THSD7B: variants seen among roughly 807,000 people sequenced by gnomAD.
THSD7B encodes the protein thrombospondin type 1 domain containing 7B.
THSD7B carries 138 observed loss-of-function variants against 213.6 expected under a neutral mutation model. That is an observed-to-expected ratio of 0.65 (90% CI 0.56 to 0.74). The LOEUF (loss-of-function observed/expected upper bound fraction) is 0.74. Ranked by LOEUF, THSD7B falls within the 30% of genes least tolerant of loss-of-function variation. THSD7B has a pLI of 0.00. For synonymous variants in THSD7B, 742 were observed against 687.0 expected, an observed-to-expected ratio of 1.08 and a Z score of -1.25; for missense variants, 1,931 against 1,991.5, an observed-to-expected ratio of 0.97 and a Z score of 0.58.
intron 15 of THSD7B, among the ~76,000 whole-genome samples, chr2:137,544,618 T>A (rs192936231): frequency 1.8e-4 from 27 of 151,980 alleles, no homozygotes; most frequent in African/African-American, 6.5e-4. Context: ...ATATAATCCA[T>A]GACTTTTGTA....
At chr2:137,473,092 TG>T (rs1337208010) in intron 15 of THSD7B, among the ~76,000 whole-genome samples, 13 of 150,320 alleles carry the variant, frequency 8.6e-5, no homozygotes, top group Admixed American at 3.3e-4. Flanking sequence ...TACTATTAAT[TG>T]TTTTTTTTTT....
At chr2:137,425,351 G>A (rs561516281) in intron 14 of THSD7B, among the ~76,000 whole-genome samples, 256 of 151,996 alleles carry the variant, frequency 1.7e-3, no homozygotes, top group African/African-American at 5.8e-3. Context: ...TGAGTAGCTG[G>A]GATTACAGGC....
intron 2 of THSD7B, among the ~76,000 whole-genome samples, chr2:137,027,824 G>C (rs924088989): frequency 6.6e-6 from 1 of 152,104 alleles, no homozygotes; most frequent in Non-Finnish European, 1.5e-5. Flanking sequence ...GGGAGACACT[G>C]GGATTTATAG....
chr2:136,944,928 AT>A (rs1684907472), intron 2 of THSD7B, among the ~76,000 whole-genome samples: 1 of 152,146 alleles, frequency 6.6e-6, no homozygotes, highest in South Asian at 2.1e-4. Context: ...TGATCCTGTC[AT>A]TATGATGTTA....
chr2:137,068,574 T>G (rs1171113451), intron 3 of THSD7B, among the ~76,000 whole-genome samples: 1 of 152,112 alleles, frequency 6.6e-6, no homozygotes, highest in African/African-American at 2.4e-5. Flanking sequence ...AAGGCTCAAA[T>G]TAATCTCTGA....
chr2:137,047,165 G>T (rs770930946), intron 2 of THSD7B, among the ~76,000 whole-genome samples: 4 of 152,148 alleles, frequency 2.6e-5, no homozygotes, highest in African/African-American at 9.7e-5. Context: ...TCATCCATGC[G>T]AGAGAAAGCA....
chr2:137,167,601 A>C (rs1299888556), intron 6 of THSD7B, among the ~76,000 whole-genome samples: 4 of 151,684 alleles, frequency 2.6e-5, no homozygotes, highest in Non-Finnish European at 5.9e-5. Context: ...AAAAACACTG[A>C]CCCCTTTTCT....
intron 2 of THSD7B, among the ~76,000 whole-genome samples, chr2:137,025,321 C>T (rs897807585): frequency 1.6e-4 from 25 of 152,262 alleles, no homozygotes; most frequent in Admixed American, 1.0e-3. Flanking sequence ...AGACGTTTTT[C>T]TCAACTGAAA....
intron 4 of THSD7B, among the ~76,000 whole-genome samples, chr2:137,105,077 A>G (rs1202112217): frequency 1.3e-5 from 2 of 152,236 alleles, no homozygotes; most frequent in Non-Finnish European, 2.9e-5. Context: ...CATCATCCTG[A>G]TACAAAAACC....
At chr2:136,985,221 G>A (rs140004692) in intron 2 of THSD7B, among the ~76,000 whole-genome samples, 20 of 152,288 alleles carry the variant, frequency 1.3e-4, no homozygotes, top group Middle Eastern at 3.4e-3. Context: ...TTGGAAGGGA[G>A]CCAGGTGTTA....
chr2:137,025,466 G>T (rs866127151), intron 2 of THSD7B, among the ~76,000 whole-genome samples: 1 of 152,108 alleles, frequency 6.6e-6, no homozygotes, highest in Non-Finnish European at 1.5e-5. Flanking sequence ...TGTGGATGTC[G>T]ATTATTTAGG....
chr2:137,380,270 A>AG, intron 12 of THSD7B, among the ~76,000 whole-genome samples: 1 of 151,402 alleles, frequency 6.6e-6, no homozygotes, highest in Middle Eastern at 3.4e-3. Flanking sequence ...AAAAAAAAAA[A>AG]TAGCCACGCA....
chr2:137,296,620 T>C (rs12621315), intron 12 of THSD7B, among the ~76,000 whole-genome samples: 9,354 of 152,238 alleles, frequency 0.061, 540 homozygotes, highest in African/African-American at 0.14. Flanking sequence ...TAATTACCAA[T>C]ACTACCATTG....
At chr2:137,077,570 TG>T in intron 3 of THSD7B, among the ~76,000 whole-genome samples, 1 of 152,318 alleles carries the variant, frequency 6.6e-6, no homozygotes, top group South Asian at 2.1e-4. Flanking sequence ...ATTTCTCTGA[TG>T]GCCAGTGATG....
At chr2:137,040,175 C>G (rs1440907876) in intron 2 of THSD7B, among the ~76,000 whole-genome samples, 2 of 152,070 alleles carry the variant, frequency 1.3e-5, no homozygotes, top group Non-Finnish European at 2.9e-5. Context: ...TGTTTGATTC[C>G]CAAAGGAACT....
chr2:137,332,060 G>A (rs1684525074), intron 12 of THSD7B, among the ~76,000 whole-genome samples: 1 of 152,200 alleles, frequency 6.6e-6, no homozygotes, highest in East Asian at 1.9e-4. Flanking sequence ...CTCCCACAGT[G>A]CAGCAGTGGG....
chr2:137,076,867 C>T (rs1346796449), intron 3 of THSD7B, among the ~76,000 whole-genome samples: 1 of 151,952 alleles, frequency 6.6e-6, no homozygotes, highest in Non-Finnish European at 1.5e-5. Flanking sequence ...GGTACATGTG[C>T]ACAATGTGCA....
intron 2 of THSD7B, among the ~76,000 whole-genome samples, chr2:137,026,149 AT>A (rs1686551234): frequency 6.6e-6 from 1 of 152,174 alleles, no homozygotes; most frequent in Non-Finnish European, 1.5e-5. Flanking sequence ...GTACATGGCA[AT>A]TCCTATTCAG....
intron 7 of THSD7B, among the ~76,000 whole-genome samples, chr2:137,178,069 C>CA (rs35624670): frequency 0.021 from 1,178 of 56,468 alleles, 16 homozygotes; most frequent in African/African-American, 0.036. Flanking sequence ...AACTCCGTCT[C>CA]AAAAAAAAAA....
Sources: allele counts gnomAD v4.1 joint callset (sites outside exome capture counted in the v4.1 genomes callset), GRCh38; gene constraint gnomAD v4.1.1; transcripts MANE v1.5; gene names NCBI Gene and HGNC (gene_info 2026-07-23, HGNC 2026-07-21).